CCNY: variants seen among roughly 807,000 people sequenced by gnomAD.
The protein encoded by CCNY is cyclin Y.
CCNY carries 19 observed loss-of-function variants against 42.8 expected under a neutral mutation model. The ratio of observed to expected loss-of-function variants is 0.44; its 90% CI spans 0.31 to 0.65. The LOEUF (loss-of-function observed/expected upper bound fraction) is 0.65. Ranked by LOEUF, CCNY falls within the 30% of genes least tolerant of loss-of-function variation. CCNY has a pLI of 0.07. For missense variants in CCNY, 370 were observed against 437.3 expected, an observed-to-expected ratio of 0.85 and a Z score of 1.37; for synonymous variants, 165 against 162.7, an observed-to-expected ratio of 1.01 and a Z score of -0.11.
At chr10:35,405,892 C>T (rs1837748581) in intron 1 of CCNY, among the ~76,000 whole-genome samples, 1 of 152,320 alleles carries the variant, frequency 6.6e-6, no homozygotes, top group Admixed American at 6.5e-5. Context: ...AGGAGGAATC[C>T]CGGGCTGCGG....
At chr10:35,384,211 T>TA (rs1477630447) in intron 1 of CCNY, among the ~76,000 whole-genome samples, 1 of 152,036 alleles carries the variant, frequency 6.6e-6, no homozygotes, top group African/African-American at 2.4e-5. Context: ...TGACGGGGAT[T>TA]AAAAAAAACA....
At chr10:35,372,812 G>A (rs1376652114) in intron 1 of CCNY, among the ~76,000 whole-genome samples, 1 of 152,154 alleles carries the variant, frequency 6.6e-6, no homozygotes, top group Non-Finnish European at 1.5e-5. Context: ...CCATTCTCCT[G>A]CCTCAGCCTC....
intron 4 of CCNY, among the ~76,000 whole-genome samples, chr10:35,519,816 G>C (rs1589175754): frequency 1.0e-5 from 1 of 98,358 alleles, no homozygotes; most frequent in East Asian, 3.4e-4. Context: ...CAGGATCTCT[G>C]TCCCCAGGCT....
In CCNY at chr10:35,569,312, G is replaced by A. The variant is rs1589216182; in HGVS notation, c.*142G>A. 7.9e-6 allele frequency: 5 copies of A among 632,864 alleles called. No individual in the cohort carries two copies. The highest frequency in any genetic ancestry group is 5.5e-5 in the South Asian group (3 of 54,764). 39.2% of individuals were successfully genotyped at this position (632,864 alleles called of 1,614,324 possible). A position where few individuals can be genotyped will look rare whatever the true frequency, so the allele number is the denominator to read the frequency against. ...GCTCCGTCAAGCTGCCTGGATGAGC[G>A]CCCATGCAGCAAGGCTTGGAGGAAG... is the stretch of plus-strand genomic sequence containing the variant. On this transcript the variant is annotated 3_prime_UTR_variant, in exon 10 of 10. Coordinates refer to ENST00000374704, the MANE Select transcript of CCNY (RefSeq NM_145012.6).
At chr10:35,502,955 G>A (rs1347738501) in intron 3 of CCNY, among the ~76,000 whole-genome samples, 3 of 152,174 alleles carry the variant, frequency 2.0e-5, no homozygotes, top group East Asian at 1.9e-4. Flanking sequence ...CCTGTTCACT[G>A]CAGCTCCATG....
At chr10:35,391,497 G>T (rs113116249) in intron 1 of CCNY, among the ~76,000 whole-genome samples, 1 of 152,158 alleles carries the variant, frequency 6.6e-6, no homozygotes, top group African/African-American at 2.4e-5. Flanking sequence ...CTGGCCGGAA[G>T]GTTGTTTACT....
At chr10:35,498,812 A>G (rs565106368) in intron 2 of CCNY, among the ~76,000 whole-genome samples, 3 of 152,330 alleles carry the variant, frequency 2.0e-5, no homozygotes, top group Non-Finnish European at 4.4e-5. Flanking sequence ...GAGGAGCATT[A>G]CAAAACCATA....
intron 3 of CCNY, among the ~76,000 whole-genome samples, chr10:35,316,883 T>C (rs2135091602): frequency 6.6e-6 from 1 of 152,328 alleles, no homozygotes; most frequent in African/African-American, 2.4e-5. Flanking sequence ...TCTCGCTCTG[T>C]TGCCCAGGCT....
At chr10:35,430,801 A>G (rs1394911390) in intron 1 of CCNY, among the ~76,000 whole-genome samples, 4 of 152,148 alleles carry the variant, frequency 2.6e-5, no homozygotes, top group Non-Finnish European at 5.9e-5. Flanking sequence ...AATGTTACGT[A>G]TATAGAATTT....
chr10:35,424,932 A>G (rs1346668180), intron 1 of CCNY, among the ~76,000 whole-genome samples: 2 of 152,172 alleles, frequency 1.3e-5, no homozygotes, highest in Non-Finnish European at 2.9e-5. Flanking sequence ...AAGGGGTGGC[A>G]CTGGTTTTAA....
chr10:35,310,705 C>CT (rs1300606414), intron 3 of CCNY, among the ~76,000 whole-genome samples: 2 of 152,142 alleles, frequency 1.3e-5, no homozygotes, highest in East Asian at 3.8e-4. Flanking sequence ...CTTCTCCAAG[C>CT]TTTTTTGATT....
intron 1 of CCNY, among the ~76,000 whole-genome samples, chr10:35,476,728 A>G (rs2135354504): frequency 6.6e-6 from 1 of 151,438 alleles, no homozygotes; most frequent in East Asian, 1.9e-4. Context: ...TAAAAGAACT[A>G]GAAAAGCAAG....
chr10:35,370,185 A>G (rs1489031002), intron 1 of CCNY, among the ~76,000 whole-genome samples: 1 of 150,312 alleles, frequency 6.7e-6, no homozygotes, highest in Admixed American at 6.7e-5. Context: ...GGAGTCTCAC[A>G]TTGTTGCCCA....
intron 1 of CCNY, among the ~76,000 whole-genome samples, chr10:35,419,174 A>G (rs1166384201): frequency 6.6e-6 from 1 of 152,160 alleles, no homozygotes; most frequent in Non-Finnish European, 1.5e-5. Context: ...AGTAGTTAGG[A>G]TACTATTTTG....
intron 3 of CCNY, among the ~76,000 whole-genome samples, chr10:35,259,147 T>C (rs933732421): frequency 2.6e-5 from 4 of 152,148 alleles, no homozygotes; most frequent in Non-Finnish European, 5.9e-5. Flanking sequence ...GTAATTGTTA[T>C]CTAGATAGGG....
At chr10:35,487,058 G>C (rs1328489464) in intron 2 of CCNY, among the ~76,000 whole-genome samples, 2 of 152,210 alleles carry the variant, frequency 1.3e-5, no homozygotes, top group Non-Finnish European at 2.9e-5. Context: ...TTGGATGTCA[G>C]TATTCCTTGT....
chr10:35,374,636 G>T (rs918229574), intron 1 of CCNY, among the ~76,000 whole-genome samples: 4 of 152,192 alleles, frequency 2.6e-5, no homozygotes, highest in African/African-American at 9.7e-5. Context: ...CCATTGAATG[G>T]CGATGCAACT....
At chr10:35,327,853 A>G (rs1419458662) in intron 3 of CCNY, 1 of 152,200 alleles carries the variant, frequency 6.6e-6, no homozygotes, top group Non-Finnish European at 1.5e-5. Flanking sequence ...CAGGCCCTCC[A>G]TGGTGGCTCC....
chr10:35,545,702 A>G (rs998467032), intron 7 of CCNY, among the ~76,000 whole-genome samples: 1 of 152,150 alleles, frequency 6.6e-6, no homozygotes, highest in Non-Finnish European at 1.5e-5. Context: ...CAGGATACCA[A>G]CAGAATCGTG....
Sources: gnomAD v4.1 joint callset for allele counts (sites outside exome capture counted in the v4.1 genomes callset) on GRCh38, gnomAD v4.1.1 for gene constraint, MANE v1.5 for transcripts, NCBI Gene and HGNC (gene_info 2026-07-23, HGNC 2026-07-21) for gene names.